The following SIPA1L2 variants were observed in gnomAD, a reference collection of about 807,000 sequenced individuals.
SIPA1L2 encodes signal-induced proliferation-associated 1-like protein 2.
Under a neutral mutation model 163.9 loss-of-function variants are expected in SIPA1L2, and 56 were observed. The ratio of observed to expected loss-of-function variants is 0.34; its 90% CI spans 0.28 to 0.43. SIPA1L2 has a LOEUF of 0.43. Among genes scored for constraint, SIPA1L2 ranks in the 20% least tolerant of loss-of-function variants. The pLI, the probability that SIPA1L2 is intolerant of heterozygous loss-of-function variation, is 1.00. For synonymous variants in SIPA1L2, 877 were observed against 865.7 expected, an observed-to-expected ratio of 1.01 and a Z score of -0.23; for missense variants, 1,974 against 2,193.5, an observed-to-expected ratio of 0.90 and a Z score of 2.00.
At chr1:232,429,188 G>A (rs1331029948) in intron 16 of SIPA1L2, among the ~76,000 whole-genome samples, 3 of 152,180 alleles carry the variant, frequency 2.0e-5, no homozygotes, top group East Asian at 3.8e-4. Context: ...GGACAAAACT[G>A]GGGAATCATT....
At chr1:232,591,903 A>T (rs1291408445) in intron 1 of SIPA1L2, among the ~76,000 whole-genome samples, 1 of 152,116 alleles carries the variant, frequency 6.6e-6, no homozygotes, top group East Asian at 1.9e-4. Flanking sequence ...ACTCTTGCTT[A>T]AAAAAATAAG....
At chr1:232,574,593 G>A (rs1257913978) in intron 1 of SIPA1L2, among the ~76,000 whole-genome samples, 1 of 151,870 alleles carries the variant, frequency 6.6e-6, no homozygotes, top group Admixed American at 6.6e-5. Flanking sequence ...AATATAAAGG[G>A]GTTATTACCA....
intron 2 of SIPA1L2, among the ~76,000 whole-genome samples, chr1:232,558,529 T>C (rs1658849217): frequency 6.6e-6 from 1 of 152,220 alleles, no homozygotes; most frequent in South Asian, 2.1e-4. Flanking sequence ...GTGAGCATAT[T>C]TAGTTTTGTA....
chr1:232,413,124 C>T (rs1381610239), intron 19 of SIPA1L2, among the ~76,000 whole-genome samples: 1 of 152,168 alleles, frequency 6.6e-6, no homozygotes. Context: ...AGGTTTAGGA[C>T]TAGATGAAGC....
At chr1:232,507,025 C>T (rs1194898533) in intron 3 of SIPA1L2, among the ~76,000 whole-genome samples, 2 of 152,208 alleles carry the variant, frequency 1.3e-5, no homozygotes, top group African/African-American at 2.4e-5. Flanking sequence ...TTATGATGAA[C>T]GAATCAATAC....
intron 18 of SIPA1L2, among the ~76,000 whole-genome samples, chr1:232,423,262 A>G (rs887823210): frequency 6.6e-5 from 10 of 152,208 alleles, no homozygotes; most frequent in African/African-American, 2.4e-4. Flanking sequence ...TGGTCAACTT[A>G]CAATATTTTC....
chr1:232,587,032 G>T (rs1162848196), intron 1 of SIPA1L2, among the ~76,000 whole-genome samples: 1 of 152,234 alleles, frequency 6.6e-6, no homozygotes, highest in Non-Finnish European at 1.5e-5. Context: ...AGGAAGGTGG[G>T]ATGGGAGGGG....
intron 1 of SIPA1L2, among the ~76,000 whole-genome samples, chr1:232,590,328 G>A (rs568584569): frequency 1.1e-4 from 16 of 152,304 alleles, no homozygotes; most frequent in East Asian, 3.9e-4. Context: ...CACCAATTGC[G>A]CAGTGAGATT....
At chr1:232,407,984 C>T (rs554721151) in intron 19 of SIPA1L2, among the ~76,000 whole-genome samples, 12 of 152,186 alleles carry the variant, frequency 7.9e-5, no homozygotes, top group East Asian at 5.8e-4. Flanking sequence ...TAACGGGGGA[C>T]GAAAGCCATT....
chr1:232,462,407 T>G (rs1664288458), intron 9 of SIPA1L2: 1 of 1,455,222 alleles, frequency 6.9e-7, no homozygotes, highest in Non-Finnish European at 9.0e-7. Flanking sequence ...ATAAGACCTA[T>G]GACAGTAAGT....
At chr1:232,430,149 G>C (rs1386910168) in intron 16 of SIPA1L2, among the ~76,000 whole-genome samples, 1 of 152,166 alleles carries the variant, frequency 6.6e-6, no homozygotes, top group Non-Finnish European at 1.5e-5. Context: ...CCAGTCCGGG[G>C]GTGTGTGCAT....
At chr1:232,597,513 T>TAA (rs1177076389) in intron 1 of SIPA1L2, among the ~76,000 whole-genome samples, 1 of 127,960 alleles carries the variant, frequency 7.8e-6, no homozygotes, top group South Asian at 2.5e-4. Context: ...CCGTCTCTAC[T>TAA]AAAAAATACC....
At chr1:232,413,059 C>T (rs552069414) in intron 19 of SIPA1L2, among the ~76,000 whole-genome samples, 3 of 152,132 alleles carry the variant, frequency 2.0e-5, no homozygotes, top group Non-Finnish European at 2.9e-5. Flanking sequence ...CAACTACCAC[C>T]CATACTCTTA....
intron 1 of SIPA1L2, among the ~76,000 whole-genome samples, chr1:232,593,145 CAACA>C (rs1368938246): frequency 1.3e-5 from 2 of 152,158 alleles, no homozygotes; most frequent in South Asian, 2.1e-4. Flanking sequence ...CACGTATTTA[CAACA>C]AACACAAAAC....
chr1:232,516,031 C>T (rs1345475414), intron 2 of SIPA1L2, among the ~76,000 whole-genome samples: 2 of 152,208 alleles, frequency 1.3e-5, no homozygotes, highest in African/African-American at 4.8e-5. Context: ...CTGGCTTAAA[C>T]TAGGGATTCA....
chr1:232,479,933 C>T (rs965159296), intron 6 of SIPA1L2, among the ~76,000 whole-genome samples: 2 of 152,314 alleles, frequency 1.3e-5, no homozygotes, highest in East Asian at 3.9e-4. Flanking sequence ...AGGCTCCTTT[C>T]CTTCCCCACC....
chr1:232,569,714 G>C (rs942957706), intron 2 of SIPA1L2, among the ~76,000 whole-genome samples: 1 of 152,226 alleles, frequency 6.6e-6, no homozygotes, highest in Non-Finnish European at 1.5e-5. Context: ...TTGGGAGGTT[G>C]AGGCAGGAGA....
intron 22 of SIPA1L2, among the ~76,000 whole-genome samples, chr1:232,402,179 A>G (rs1660383449): frequency 3.9e-5 from 6 of 152,172 alleles, no homozygotes; most frequent in Admixed American, 3.9e-4. Flanking sequence ...TCATTTACTC[A>G]TATCCATTGA....
chr1:232,551,092 C>T (rs577454040), intron 2 of SIPA1L2, among the ~76,000 whole-genome samples: 3 of 152,224 alleles, frequency 2.0e-5, no homozygotes, highest in African/African-American at 4.8e-5. Flanking sequence ...AACTACCGTG[C>T]GTTTCTATGT....
Sources: allele counts gnomAD v4.1 joint callset (sites outside exome capture counted in the v4.1 genomes callset), GRCh38; gene constraint gnomAD v4.1.1; transcripts MANE v1.5; gene names NCBI Gene and HGNC (gene_info 2026-07-23, HGNC 2026-07-21).